The following SERAC1 variants were observed in gnomAD, a reference collection of about 807,000 sequenced individuals.
SERAC1 encodes protein SERAC1.
SERAC1 carries 36 observed loss-of-function variants against 85.7 expected under a neutral mutation model. The observed-to-expected ratio is 0.42, with a 90% CI of 0.32 to 0.55. SERAC1 has a LOEUF of 0.55. SERAC1 is among the 20% of genes least tolerant of loss of function. The probability of loss-of-function intolerance (pLI) is 0.11; values close to 1 mark genes in which losing one functional copy is unlikely to be tolerated. For missense variants in SERAC1, 629 were observed against 796.2 expected, an observed-to-expected ratio of 0.79 and a Z score of 2.53; for synonymous variants, 242 against 265.3, an observed-to-expected ratio of 0.91 and a Z score of 0.85.
chr6:158,124,432 C>A (rs955352827), intron 10 of SERAC1, among the ~76,000 whole-genome samples: 1 of 151,990 alleles, frequency 6.6e-6, no homozygotes, highest in Non-Finnish European at 1.5e-5. Context: ...TACATTTGAT[C>A]AAAAACACCA....
rs528155939 is a variant in SERAC1 at position 158,146,802 on chromosome 6, G to A, written c.467C>T (p.Ser156Leu). Residue 156 changes from serine to leucine, a missense_variant, in exon 6 of 17, where the codon TCG becomes TTG. Coordinates refer to ENST00000647468, the MANE Select transcript of SERAC1 (RefSeq NM_032861.4). ...TTRLEAVREM[S>L]ETHHWHDYQY... Reference sequence around the variant, plus strand: ...ATTACCATGCCAGTGATGGGTCTCCGACATTTCCCGCACAGCCTCGAGTCG... The same window carrying A: ...ATTACCATGCCAGTGATGGGTCTCCAACATTTCCCGCACAGCCTCGAGTCG... The A allele has an allele frequency of 1.9e-5, 30 of 1,613,606 alleles. No homozygotes were observed. The highest frequency in any genetic ancestry group is 1.2e-4 in the South Asian group (11 of 91,066).
At chr6:158,157,184 A>G (rs1317296792) in intron 2 of SERAC1, among the ~76,000 whole-genome samples, 4 of 151,832 alleles carry the variant, frequency 2.6e-5, no homozygotes, top group Admixed American at 2.0e-4. Context: ...TTTAGTAGTG[A>G]CAGGGTTTCA....
At chr6:158,165,961 A>G (rs754986725) in intron 1 of SERAC1, among the ~76,000 whole-genome samples, 9 of 152,236 alleles carry the variant, frequency 5.9e-5, no homozygotes, top group Non-Finnish European at 1.0e-4. Context: ...CTGGAGATAG[A>G]TAGTAGTGCT....
chr6:158,113,304 C>G (rs2128409978), intron 16 of SERAC1, 145 bp downstream of exon 16: 1 of 646,646 alleles, frequency 1.5e-6, no homozygotes. Context: ...TAATCTATTG[C>G]TGAAAAGAAT....
intron 8 of SERAC1, among the ~76,000 whole-genome samples, chr6:158,131,284 G>A: frequency 6.9e-6 from 1 of 145,272 alleles, no homozygotes. Context: ...AAATATATAA[G>A]AATATATTAT....
At position 158,155,307 on chromosome 6, in the gene SERAC1, C is replaced by T. The variant is rs766928057; in HGVS notation, c.128+8G>A. On this transcript the variant is annotated splice_region_variant and intron_variant, in intron 3 of 16. Transcript: ENST00000647468. ...AAGCCAATTAATATTCCACAGTTGA[C>T]GACTTACCCTAAAATAAGTGATCCA... The T allele has an allele frequency of 2.7e-5, 41 of 1,537,558 alleles. No homozygotes were observed. In the Admixed American group the frequency reaches 3.9e-4, roughly 15 times the overall value.
intron 3 of SERAC1, 117 bp downstream of exon 3, chr6:158,155,198 A>C (rs1785301134): frequency 1.5e-6 from 1 of 651,562 alleles, no homozygotes; most frequent in African/African-American, 1.8e-5. Flanking sequence ...TAAATCCACC[A>C]GTCTAATTCC....
chr6:158,141,269 T>C (rs1363016089), intron 8 of SERAC1, among the ~76,000 whole-genome samples: 1 of 152,188 alleles, frequency 6.6e-6, no homozygotes, highest in Admixed American at 6.5e-5. Flanking sequence ...AGATCAGTGG[T>C]TACCAGGGGC....
intron 3 of SERAC1, chr6:158,151,196 G>A (rs575823962): frequency 6.6e-6 from 1 of 152,242 alleles, no homozygotes; most frequent in East Asian, 1.9e-4. Flanking sequence ...CTGACCCTGT[G>A]TAGGCCTAGG....
intron 1 of SERAC1, 29 bp from the exon 2 acceptor site, chr6:158,158,393 T>G: frequency 6.5e-7 from 1 of 1,530,002 alleles, no homozygotes; most frequent in Non-Finnish European, 9.1e-7. Context: ...TACAACAAAT[T>G]TAATTTAGCA....
chr6:158,158,250 A>G lies in SERAC1; in HGVS notation c.91+23T>C, dbSNP rs771001673. On this transcript the variant is annotated intron_variant, in intron 2 of 16. Coordinates refer to ENST00000647468, the MANE Select transcript of SERAC1 (RefSeq NM_032861.4). ...CTATCACTGTTCCTATAAGAAAATA[A>G]GAGTTGTTTAAGCTGTACTCACTGA... 3.7e-5 allele frequency: 57 copies of G among 1,531,298 alleles called. No homozygotes were observed. The South Asian group carries it at 6.3e-4, about 17-fold the overall frequency. The allele number at this position is 1,531,298 out of a possible 1,614,324, so 94.9% of individuals were successfully genotyped here. A position where few individuals can be genotyped will look rare whatever the true frequency, so the allele number is the denominator to read the frequency against.
At position 158,117,190 on chromosome 6, in the gene SERAC1, G is replaced by C. The variant is rs977794; in HGVS notation, c.1403+537C>G. 218,160 of 247,832 alleles carry C rather than the reference G, an allele frequency of 0.88. 96,289 individuals carry two copies. Among genetic ancestry groups the C allele is most frequent in the East Asian group, 1 (12,931 of 12,940 alleles). 15.4% of individuals were successfully genotyped at this position (247,832 alleles called of 1,614,324 possible). On this transcript the variant is annotated intron_variant, in intron 13 of 16. Transcript: ENST00000647468. The surrounding 1 kb of genome is among the most constrained non-coding windows in gnomAD (Gnocchi z 4.3). ...GATAACACTGATTTAGACCAACTCT[G>C]TCAATCTGTAGACAAAGCTTCCCGG...
At chr6:158,114,545 T>C (rs2128410432) in intron 15 of SERAC1, 1 of 1,200,506 alleles carries the variant, frequency 8.3e-7, no homozygotes, top group South Asian at 3.5e-5. Context: ...ATTATTTTTC[T>C]AATTTTAAGT....
intron 1 of SERAC1, 156 bp from the exon 2 acceptor site, chr6:158,158,520 C>T (rs1354273655): frequency 1.9e-6 from 1 of 524,484 alleles, no homozygotes; most frequent in South Asian, 2.9e-5. Flanking sequence ...AAAAAATTCT[C>T]CATTAAAAAC....
chr6:158,148,903 A>C lies in SERAC1; in HGVS notation c.317T>G (p.Leu106Trp), dbSNP rs1283379023. The part of the protein sequence containing the change: ...KELHKAVRKV[L>W]ATSAKILRNP... ...CCGCAGTATCTTGGCTGATGTTGCC[A>C]ATACTTTTCTTACTGCTTTGTGAAG... is the stretch of plus-strand genomic sequence containing the variant. Residue 106 changes from leucine (L) to tryptophan (W), a missense_variant, in exon 5 of 17, where the codon TTG becomes TGG. Coordinates refer to ENST00000647468, the MANE Select transcript of SERAC1 (RefSeq NM_032861.4). 1 of 1,612,896 alleles carries C rather than the reference A, an allele frequency of 6.2e-7. No homozygotes were observed. Among genetic ancestry groups the C allele is most frequent in the African/African-American group, 1.3e-5 (1 of 74,892 alleles).
chr6:158,159,994 TATATC>T (rs1785449724), intron 1 of SERAC1, among the ~76,000 whole-genome samples: 1 of 152,228 alleles, frequency 6.6e-6, no homozygotes, highest in South Asian at 2.1e-4. Context: ...TATTTATAAA[TATATC>T]ATACAAGCTT....
intron 1 of SERAC1, chr6:158,161,860 C>T (rs1016439513): frequency 1.3e-5 from 2 of 152,166 alleles, no homozygotes; most frequent in Admixed American, 1.3e-4. Context: ...CTAGAGACCA[C>T]CTCTCTGGTC....
At chr6:158,156,311 C>A (rs1785331566) in intron 2 of SERAC1, among the ~76,000 whole-genome samples, 1 of 152,090 alleles carries the variant, frequency 6.6e-6, no homozygotes, top group African/African-American at 2.4e-5. Context: ...AAATACACAA[C>A]CTGATTACCA....
At chr6:158,144,178 T>A (rs1003572931) in intron 7 of SERAC1, 121 bp downstream of exon 7, 1 of 734,430 alleles carries the variant, frequency 1.4e-6, no homozygotes, top group Non-Finnish European at 2.1e-6. Context: ...TACATTCCAG[T>A]TTATCTGCTT....
Sources: allele counts gnomAD v4.1 joint callset (sites outside exome capture counted in the v4.1 genomes callset), GRCh38; gene constraint gnomAD v4.1.1; non-coding constraint Gnocchi (gnomAD v3.1); transcripts MANE v1.5; gene names NCBI Gene and HGNC (gene_info 2026-07-23, HGNC 2026-07-21).